The following TMEM17 variants were observed in gnomAD, a reference collection of about 807,000 sequenced individuals.
TMEM17 encodes transmembrane protein 17.
Under a neutral mutation model 19.1 loss-of-function variants are expected in TMEM17, and 15 were observed. The observed-to-expected ratio is 0.78, with a 90% confidence interval of 0.52 to 1.21. The LOEUF (loss-of-function observed/expected upper bound fraction) is 1.21, where lower values mean the gene tolerates loss of function less well. Among genes scored for constraint, TMEM17 ranks in the 50% most tolerant of loss-of-function variants. The pLI is 0.00. For synonymous variants in TMEM17, 103 were observed against 86.9 expected (o/e 1.19, Z -1.03); for missense variants, 245 against 242.3 (o/e 1.01, Z -0.07).
At chr2:62,470,012 T>C in the TMEM17 span, among the ~76,000 whole-genome samples, 1 of 152,210 alleles carries the variant, frequency 6.6e-6, no homozygotes, top group Non-Finnish European at 1.5e-5. Context: ...ATGTCCAGCA[T>C]GTCCTCTCAT....
the TMEM17 span, among the ~76,000 whole-genome samples, chr2:62,491,984 C>T: frequency 6.6e-6 from 1 of 151,418 alleles, no homozygotes; most frequent in African/African-American, 2.4e-5. Flanking sequence ...CTTGCTAAGC[C>T]TTTCTATAGG....
chr2:62,499,054 A>G (rs1290554221), downstream of TMEM17, among the ~76,000 whole-genome samples: 3 of 152,178 alleles, frequency 2.0e-5, no homozygotes, highest in African/African-American at 7.2e-5. Context: ...AAAACAAACA[A>G]ATGACTTGGT....
chr2:62,475,701 C>T, the TMEM17 span, among the ~76,000 whole-genome samples: 9 of 152,348 alleles, frequency 5.9e-5, no homozygotes, highest in African/African-American at 1.9e-4. Flanking sequence ...TATGGGTTCT[C>T]TTGCGGCCAC....
chr2:62,486,934 G>C, the TMEM17 span, among the ~76,000 whole-genome samples: 14 of 152,224 alleles, frequency 9.2e-5, no homozygotes, highest in Admixed American at 7.2e-4. Context: ...CAGACACTGG[G>C]GGGTAAAGGG....
At chr2:62,468,241 G>A in the TMEM17 span, among the ~76,000 whole-genome samples, 1 of 152,146 alleles carries the variant, frequency 6.6e-6, no homozygotes, top group Non-Finnish European at 1.5e-5. Flanking sequence ...AAGAGGCTGC[G>A]GTTTGGCCCA....
At chr2:62,479,859 C>T in the TMEM17 span, among the ~76,000 whole-genome samples, 7 of 137,720 alleles carry the variant, frequency 5.1e-5, no homozygotes, top group Admixed American at 4.1e-4. Context: ...TGCACTCCAC[C>T]GTGAGTTAGT....
At chr2:62,470,168 C>G in the TMEM17 span, among the ~76,000 whole-genome samples, 1 of 152,190 alleles carries the variant, frequency 6.6e-6, no homozygotes, top group East Asian at 1.9e-4. Flanking sequence ...CTCCACTACA[C>G]TGATTAATCC....
the TMEM17 span, among the ~76,000 whole-genome samples, chr2:62,486,321 T>A: frequency 7.2e-6 from 1 of 138,306 alleles, no homozygotes; most frequent in Non-Finnish European, 1.7e-5. Flanking sequence ...ACCTTTGGAA[T>A]TCCCCTCAAG....
At chr2:62,495,247 A>G (rs929802817), downstream of TMEM17, among the ~76,000 whole-genome samples, 1 of 152,212 alleles carries the variant, frequency 6.6e-6, no homozygotes, top group African/African-American at 2.4e-5. Flanking sequence ...TACGATTTGT[A>G]TCTTGTTTTC....
chr2:62,486,812 A>T, the TMEM17 span, among the ~76,000 whole-genome samples: 1 of 152,168 alleles, frequency 6.6e-6, no homozygotes, highest in African/African-American at 2.4e-5. Flanking sequence ...GCCCTTACTC[A>T]GGTATCCCAG....
In TMEM17 at chr2:62,501,199, C is replaced by A; in HGVS notation, c.*10G>T. 6.2e-7 allele frequency: 1 copy of A among 1,608,358 alleles called. No individual in the cohort carries two copies. Among genetic ancestry groups the A allele is most frequent in the Non-Finnish European group, 8.5e-7 (1 of 1,175,898 alleles). On this transcript the variant is annotated 3_prime_UTR_variant, in exon 4 of 4. Transcript: ENST00000335390. ...AATGATCTGTCAGATTTTCACTCAA[C>A]AACACTGGATCAGATCTCTTCTATA...
At chr2:62,462,082 C>T in the TMEM17 span, among the ~76,000 whole-genome samples, 4 of 152,184 alleles carry the variant, frequency 2.6e-5, no homozygotes, top group Non-Finnish European at 2.9e-5. Context: ...CAGCCTGTGG[C>T]TTCCTTGTGA....
At chr2:62,460,872 A>G in the TMEM17 span, among the ~76,000 whole-genome samples, 1 of 152,234 alleles carries the variant, frequency 6.6e-6, no homozygotes, top group African/African-American at 2.4e-5. Flanking sequence ...TCCGGAGAAC[A>G]AAGGTGGAAC....
At chr2:62,487,866 G>T in the TMEM17 span, among the ~76,000 whole-genome samples, 1 of 152,160 alleles carries the variant, frequency 6.6e-6, no homozygotes, top group Non-Finnish European at 1.5e-5. Context: ...GCTAATTTTT[G>T]TATTTTTAGT....
At chr2:62,481,688 A>T in the TMEM17 span, among the ~76,000 whole-genome samples, 1 of 134,640 alleles carries the variant, frequency 7.4e-6, no homozygotes, top group African/African-American at 2.9e-5. Flanking sequence ...GAAAAACAGA[A>T]CCCCTTAAAG....
At chr2:62,494,519 TTC>T in the TMEM17 span, among the ~76,000 whole-genome samples, 12 of 152,222 alleles carry the variant, frequency 7.9e-5, no homozygotes, top group African/African-American at 2.9e-4. Context: ...TCAAATATTT[TTC>T]TCTTTTAGGC....
chr2:62,506,114 G>T lies in TMEM17; in HGVS notation c.16C>A (p.Pro6Thr), dbSNP rs766616731. 4.3e-6 allele frequency: 7 copies of T among 1,610,858 alleles called. No individual in the cohort carries two copies. Among genetic ancestry groups the T allele is most frequent in the Non-Finnish European group, 5.9e-6 (7 of 1,178,804 alleles). ...AAGTTTCCCAGCCGCTGGCGCACCG[G>T]ATCCGGCAGCTCCATGCCTGGGCCT... MELPD[P>T]VRQRLGNFSR... The change falls in exon 1 of 4, where the codon CCG (proline) becomes ACG (threonine). Residue 6 changes from proline (P) to threonine (T), a missense_variant. By Grantham distance (38) the Pro-to-Thr change is conservative. Transcript: ENST00000335390.
chr2:62,466,854 C>T, the TMEM17 span, among the ~76,000 whole-genome samples: 1 of 152,294 alleles, frequency 6.6e-6, no homozygotes, highest in Admixed American at 6.5e-5. Flanking sequence ...TGCTCAGCTG[C>T]ATGCGGGGCC....
At chr2:62,460,520 G>A in the TMEM17 span, among the ~76,000 whole-genome samples, 1 of 152,230 alleles carries the variant, frequency 6.6e-6, no homozygotes, top group South Asian at 2.1e-4. Context: ...TCACCATTAT[G>A]TTCCCTCTCC....
Sources: gnomAD v4.1 joint callset for allele counts (sites outside exome capture counted in the v4.1 genomes callset) on GRCh38, gnomAD v4.1.1 for gene constraint, MANE v1.5 for transcripts, NCBI Gene and HGNC (gene_info 2026-07-23, HGNC 2026-07-21) for gene names.